NEK6: variants seen among roughly 807,000 people sequenced by gnomAD.
The protein encoded by NEK6 is NIMA related kinase 6.
Under a neutral mutation model 43.5 loss-of-function variants are expected in NEK6, and 27 were observed. The ratio of observed to expected loss-of-function variants is 0.62; its 90% CI spans 0.46 to 0.86. The LOEUF (loss-of-function observed/expected upper bound fraction) is 0.86. Among genes scored for constraint, NEK6 ranks in the 40% least tolerant of loss-of-function variants. The pLI, the probability that NEK6 is intolerant of heterozygous loss-of-function variation, is 0.00. For missense variants in NEK6, 318 were observed against 414.4 expected (o/e 0.77, Z 2.02); for synonymous variants, 167 against 164.1 (o/e 1.02, Z -0.14).
intron 1 of NEK6, among the ~76,000 whole-genome samples, chr9:124,270,979 A>G (rs145027361): frequency 1.1e-4 from 17 of 152,310 alleles, no homozygotes; most frequent in African/African-American, 3.6e-4. Flanking sequence ...CACACATTTC[A>G]CACAGAGCAA....
intron 4 of NEK6, among the ~76,000 whole-genome samples, chr9:124,314,244 G>T (rs1478748121): frequency 6.6e-6 from 1 of 152,088 alleles, no homozygotes; most frequent in Non-Finnish European, 1.5e-5. Flanking sequence ...CCTCCTGCTT[G>T]TACATGGCAG....
At chr9:124,301,812 T>C in intron 1 of NEK6, 124 bp from the exon 2 acceptor site, 1 of 768,924 alleles carries the variant, frequency 1.3e-6, no homozygotes, top group East Asian at 2.7e-5. Flanking sequence ...TGGGTGACCG[T>C]GGGCAAATTA....
intron 1 of NEK6, among the ~76,000 whole-genome samples, chr9:124,281,644 G>A (rs1314192016): frequency 2.0e-5 from 3 of 151,828 alleles, no homozygotes; most frequent in African/African-American, 7.3e-5. Context: ...GGGATTACAG[G>A]TGCCTGCCAC....
Position 124,343,504 on chromosome 9 carries a change from G to A in NEK6, c.717+3839G>A, listed in dbSNP as rs548560031. ...CATAGCCGGCCCATCCAAGGGTAAC[G>A]GGGCAGGGGCTCTGTGCCAAGTGAC... On this transcript the variant is annotated intron_variant, in intron 8 of 9. Transcript: ENST00000320246. The surrounding 1 kb of genome is among the most constrained non-coding windows in gnomAD (Gnocchi z 5.1). Among the ~76,000 whole-genome samples the A allele has an allele frequency of 3.0e-4, 46 of 152,240 alleles. 4 individuals are homozygous for A. The highest frequency in any genetic ancestry group is 2.7e-3 in the South Asian group (13 of 4,824).
rs375518178 is a variant in NEK6, at chr9:124,317,895, G to A, written c.295-3564G>A. 1.3e-3 allele frequency among the ~76,000 whole-genome samples: 199 copies of A among 152,300 alleles called. 6 individuals are homozygous for A. In the South Asian group the frequency reaches 0.04, roughly 31 times the overall value. ...CTGCATAATATTCTATTGTATACAT[G>A]TACCACATTTTCTTTATCCGGCCCA... On this transcript the variant is annotated intron_variant, in intron 4 of 9. Coordinates refer to ENST00000320246, the MANE Select transcript of NEK6 (RefSeq NM_014397.6).
At chr9:124,310,938 A>G (rs887508618) in intron 2 of NEK6, among the ~76,000 whole-genome samples, 6 of 152,168 alleles carry the variant, frequency 3.9e-5, no homozygotes, top group Non-Finnish European at 7.3e-5. Flanking sequence ...GTGAGTTTCT[A>G]TTATTCATTA....
rs1404784078 is a variant in NEK6 at position 124,324,638 on chromosome 9, AGGTGGCCTGGG to A, written c.406-1686_406-1676del. 2.6e-5 allele frequency among the ~76,000 whole-genome samples: 4 copies of A among 152,244 alleles called. No homozygotes were observed. The highest frequency in any genetic ancestry group is 1.9e-4 in the East Asian group (1 of 5,172). On this transcript the variant is annotated intron_variant, in intron 5 of 9. Coordinates refer to ENST00000320246, the MANE Select transcript of NEK6 (RefSeq NM_014397.6). This position sits in a 1 kb window ranked among gnomAD's most constrained non-coding sequence, Gnocchi z 5.3. ...CCGGCCTGGCCCGCCACAGGCCTGG[AGGTGGCCTGGG>A]GGTGGGGTCTGTGCTGAGACCTGGG...
intron 7 of NEK6, among the ~76,000 whole-genome samples, chr9:124,338,783 A>G (rs574905933): frequency 6.6e-6 from 1 of 152,294 alleles, no homozygotes; most frequent in African/African-American, 2.4e-5. Context: ...GAAAATGGAG[A>G]TACTGCCTCA....
Position 124,326,809 on chromosome 9 carries a change from A to T in NEK6, c.514+371A>T, listed in dbSNP as rs1468504669. Among the ~76,000 whole-genome samples the T allele has an allele frequency of 1.3e-5, 2 of 152,142 alleles. No homozygotes were observed. Among genetic ancestry groups the T allele is most frequent in the African/African-American group, 4.8e-5 (2 of 41,434 alleles). On this transcript the variant is annotated intron_variant, in intron 6 of 9. Coordinates refer to ENST00000320246, the MANE Select transcript of NEK6 (RefSeq NM_014397.6). The surrounding 1 kb of genome is among the most constrained non-coding windows in gnomAD (Gnocchi z 4.5). ...TGAGAGGGGTGTTTCCACAGTTGAC[A>T]TGATTCCGAGTTGTGAGAAAGGAGC...
chr9:124,285,582 A>G (rs1313786166), intron 1 of NEK6, among the ~76,000 whole-genome samples: 1 of 152,176 alleles, frequency 6.6e-6, no homozygotes, highest in Non-Finnish European at 1.5e-5. Flanking sequence ...TTCATGGAAG[A>G]GGCAGCAGAT....
chr9:124,288,049 C>A (rs1832239192), intron 1 of NEK6, among the ~76,000 whole-genome samples: 1 of 152,238 alleles, frequency 6.6e-6, no homozygotes, highest in Admixed American at 6.5e-5. Flanking sequence ...TGGGAGGATG[C>A]AGCAGGAGCT....
chr9:124,327,295 A>C, intron 6 of NEK6, 43 bp from the exon 7 acceptor site: 1 of 1,549,330 alleles, frequency 6.5e-7, no homozygotes. Flanking sequence ...CACCTACCCC[A>C]AGCCTCCTAC....
chr9:124,350,518 A>G (rs1056970113), intron 9 of NEK6, among the ~76,000 whole-genome samples: 6 of 152,096 alleles, frequency 3.9e-5, no homozygotes, highest in Non-Finnish European at 7.4e-5. Flanking sequence ...ACACACACAC[A>G]CACACACACA....
chr9:124,341,095 G>A (rs898028372), intron 8 of NEK6, among the ~76,000 whole-genome samples: 1 of 152,128 alleles, frequency 6.6e-6, no homozygotes, highest in African/African-American at 2.4e-5. Context: ...CGGGCTGGAG[G>A]GCAGTGGCGC....
chr9:124,260,766 A>C (rs1421595868), intron 1 of NEK6, among the ~76,000 whole-genome samples: 1 of 152,188 alleles, frequency 6.6e-6, no homozygotes, highest in Non-Finnish European at 1.5e-5. Flanking sequence ...CAGTCCACTC[A>C]CCAACACTAA....
rs1039506489 is a variant in NEK6, at chr9:124,324,323, G to A, written c.406-2007G>A. ...GAGGAACAGGGGATACCCCATGGTC[G>A]CCCCACTGGCCTCAGAGGCTGTCAG... is the stretch of plus-strand genomic sequence containing the variant. On this transcript the variant is annotated intron_variant, in intron 5 of 9. Transcript: ENST00000320246. The surrounding 1 kb of genome is among the most constrained non-coding windows in gnomAD (Gnocchi z 5.3). Among the ~76,000 whole-genome samples the A allele has an allele frequency of 6.6e-6, 1 of 152,160 alleles. No individual in the cohort carries two copies. Among genetic ancestry groups the A allele is most frequent in the Non-Finnish European group, 1.5e-5 (1 of 68,022 alleles).
At chr9:124,311,589 T>C (rs1833528904) in intron 2 of NEK6, among the ~76,000 whole-genome samples, 1 of 152,186 alleles carries the variant, frequency 6.6e-6, no homozygotes, top group African/African-American at 2.4e-5. Flanking sequence ...CGCAGGATCA[T>C]GTGTTCCAAT....
At chr9:124,325,267 G>A (rs1834278001) in intron 5 of NEK6, among the ~76,000 whole-genome samples, 1 of 152,202 alleles carries the variant, frequency 6.6e-6, no homozygotes, top group Admixed American at 6.5e-5. Flanking sequence ...GTGGCCCTCA[G>A]TTTCGTTTCC....
At chr9:124,309,628 A>G (rs556838486) in intron 2 of NEK6, among the ~76,000 whole-genome samples, 12 of 152,338 alleles carry the variant, frequency 7.9e-5, no homozygotes, top group Non-Finnish European at 1.6e-4. Context: ...TCATGAAGCT[A>G]TTAGGAGTTT....
Sources: gnomAD v4.1 joint callset for allele counts (sites outside exome capture counted in the v4.1 genomes callset) on GRCh38, gnomAD v4.1.1 for gene constraint, Gnocchi (gnomAD v3.1) non-coding constraint, MANE v1.5 for transcripts, NCBI Gene and HGNC (gene_info 2026-07-23, HGNC 2026-07-21) for gene names.